The following FARS2 variants were observed in gnomAD, a reference collection of about 807,000 sequenced individuals.
FARS2 encodes phenylalanyl-tRNA synthetase 2, mitochondrial.
In FARS2, 40 loss-of-function variants were observed where a neutral mutation model predicts 46.4. The observed-to-expected ratio is 0.86, with a 90% CI of 0.67 to 1.12. The LOEUF is 1.12. FARS2 is among the 50% of genes most tolerant of loss of function. The pLI, the probability that FARS2 is intolerant of heterozygous loss-of-function variation, is 0.00. For missense variants in FARS2, 513 were observed against 567.9 expected (o/e 0.90, Z 0.98); for synonymous variants, 234 against 214.9 (o/e 1.09, Z -0.78).
At chr6:5,402,481 T>C (rs1174042430) in intron 2 of FARS2, among the ~76,000 whole-genome samples, 1 of 152,116 alleles carries the variant, frequency 6.6e-6, no homozygotes, top group Non-Finnish European at 1.5e-5. Context: ...TTCTATATTT[T>C]TATTGAATTT....
chr6:5,326,842 A>G (rs1470329882), intron 1 of FARS2, among the ~76,000 whole-genome samples: 4 of 152,246 alleles, frequency 2.6e-5, no homozygotes, highest in Non-Finnish European at 5.9e-5. Flanking sequence ...ATTTGGAATT[A>G]GAAACCTATT....
intron 6 of FARS2, among the ~76,000 whole-genome samples, chr6:5,689,922 C>A (rs1170772228): frequency 6.6e-6 from 1 of 152,168 alleles, no homozygotes; most frequent in Admixed American, 6.5e-5. Context: ...GTTAGCTCTT[C>A]TTGTTGAATT....
intron 1 of FARS2, among the ~76,000 whole-genome samples, chr6:5,351,823 C>T (rs894339056): frequency 2.6e-5 from 4 of 152,148 alleles, no homozygotes; most frequent in African/African-American, 9.7e-5. Context: ...ATCACTGCAC[C>T]ATACTTTATT....
chr6:5,326,009 T>C (rs1055188544), intron 1 of FARS2, among the ~76,000 whole-genome samples: 2 of 152,232 alleles, frequency 1.3e-5, no homozygotes, highest in Non-Finnish European at 2.9e-5. Flanking sequence ...TCATATATTG[T>C]TAATGGGGGC....
chr6:5,393,643 G>A (rs1378048998), intron 2 of FARS2, among the ~76,000 whole-genome samples: 7 of 151,652 alleles, frequency 4.6e-5, no homozygotes, highest in Admixed American at 3.9e-4. Context: ...GTGACAGACC[G>A]AGACTCCACC....
intron 4 of FARS2, among the ~76,000 whole-genome samples, chr6:5,516,538 T>C (rs777252563): frequency 6.6e-6 from 1 of 152,216 alleles, no homozygotes; most frequent in Non-Finnish European, 1.5e-5. Context: ...ACCTTTCTGA[T>C]TACGGTGCTA....
At chr6:5,544,163 C>T (rs1353955445) in intron 4 of FARS2, among the ~76,000 whole-genome samples, 2 of 152,302 alleles carry the variant, frequency 1.3e-5, no homozygotes, top group Non-Finnish European at 2.9e-5. Context: ...TCTCTGAGCT[C>T]CTTTAGGACT....
intron 4 of FARS2, among the ~76,000 whole-genome samples, chr6:5,436,639 G>A (rs1763536662): frequency 6.6e-6 from 1 of 152,172 alleles, no homozygotes; most frequent in Non-Finnish European, 1.5e-5. Flanking sequence ...AACTATGTCT[G>A]TCAGTTGGAT....
chr6:5,617,645 G>A (rs895821355), intron 6 of FARS2, among the ~76,000 whole-genome samples: 6 of 152,212 alleles, frequency 3.9e-5, no homozygotes, highest in African/African-American at 1.4e-4. Context: ...GTTGAATTGA[G>A]GGTATTCTTT....
intron 6 of FARS2, among the ~76,000 whole-genome samples, chr6:5,638,546 C>G (rs1776655662): frequency 6.6e-6 from 1 of 152,224 alleles, no homozygotes; most frequent in Non-Finnish European, 1.5e-5. Context: ...GCCTGCCTGA[C>G]AGAGCGAGAC....
intron 5 of FARS2, among the ~76,000 whole-genome samples, chr6:5,564,124 T>C (rs1359872426): frequency 6.6e-6 from 1 of 151,590 alleles, no homozygotes; most frequent in East Asian, 1.9e-4. Flanking sequence ...CAATGGAAAC[T>C]CTCTGTCCAA....
At chr6:5,341,127 G>A (rs1379325451) in intron 1 of FARS2, among the ~76,000 whole-genome samples, 6 of 142,244 alleles carry the variant, frequency 4.2e-5, no homozygotes, top group East Asian at 2.0e-4. Context: ...CAGCCTGGGC[G>A]ACAGAGTTTC....
intron 1 of FARS2, among the ~76,000 whole-genome samples, chr6:5,337,067 C>CT (rs149761965): frequency 0.23 from 32,989 of 141,630 alleles, 4,449 homozygotes; most frequent in Non-Finnish European, 0.3. Context: ...AATATCACTT[C>CT]TTTTTTTTTT....
At position 5,454,583 on chromosome 6, in the gene FARS2, A is replaced by G. The variant is rs147249001; in HGVS notation, c.904+23411A>G. On this transcript the variant is annotated intron_variant, in intron 4 of 6. Coordinates refer to ENST00000274680, the MANE Select transcript of FARS2 (RefSeq NM_006567.5). Reference sequence around the variant, plus strand: ...ATGGTCTCAATCTCCTGACCTTGTGACCCACCCACCTCAGCCTCTCAAAGT... The same window carrying G: ...ATGGTCTCAATCTCCTGACCTTGTGGCCCACCCACCTCAGCCTCTCAAAGT... 3.6e-3 allele frequency among the ~76,000 whole-genome samples: 544 copies of G among 152,140 alleles called. 5 individuals are homozygous for G. The highest frequency in any genetic ancestry group is 0.012 in the African/African-American group (512 of 41,494).
intron 1 of FARS2, among the ~76,000 whole-genome samples, chr6:5,264,242 G>C (rs986259102): frequency 6.6e-6 from 1 of 151,974 alleles, no homozygotes; most frequent in African/African-American, 2.4e-5. Context: ...GTGAGACCCT[G>C]TCTACCAAAA....
At chr6:5,706,771 A>G (rs549438119) in intron 6 of FARS2, among the ~76,000 whole-genome samples, 71 of 152,294 alleles carry the variant, frequency 4.7e-4, no homozygotes, top group African/African-American at 1.7e-3. Context: ...TGTTAATCCT[A>G]TTGCTACATC....
intron 4 of FARS2, among the ~76,000 whole-genome samples, chr6:5,432,366 ATATT>A: frequency 8.1e-6 from 1 of 122,726 alleles, no homozygotes; most frequent in East Asian, 2.1e-4. Flanking sequence ...TATATATAAT[ATATT>A]ATATATTTAT....
chr6:5,539,408 T>TATATATATATATATATATA (rs68137910), intron 4 of FARS2, among the ~76,000 whole-genome samples: 1 of 93,948 alleles, frequency 1.1e-5, no homozygotes, highest in African/African-American at 7.9e-5. Flanking sequence ...ATGTATATAT[T>TATATATATATATATATATA]TTTTTAGTAG....
chr6:5,510,591 TG>T (rs1190992827), intron 4 of FARS2, among the ~76,000 whole-genome samples: 3 of 152,230 alleles, frequency 2.0e-5, no homozygotes, highest in Non-Finnish European at 4.4e-5. Context: ...GAGCTGTTTG[TG>T]TGCGGAGCCT....
Sources: allele counts gnomAD v4.1 joint callset (sites outside exome capture counted in the v4.1 genomes callset), GRCh38; gene constraint gnomAD v4.1.1; transcripts MANE v1.5; gene names NCBI Gene and HGNC (gene_info 2026-07-23, HGNC 2026-07-21).